The following TEX15 variants were observed in gnomAD, a reference collection of about 807,000 sequenced individuals.
TEX15 encodes testis expressed 15, meiosis and synapsis associated.
In TEX15, 171 loss-of-function variants were observed where a neutral mutation model predicts 237.3. The ratio of observed to expected loss-of-function variants is 0.72; its 90% CI spans 0.64 to 0.82. The LOEUF is 0.82. Among genes scored for constraint, TEX15 ranks in the 40% least tolerant of loss-of-function variants. The pLI, the probability that TEX15 is intolerant of heterozygous loss-of-function variation, is 0.00. For missense variants in TEX15, 3,750 were observed against 3,646.5 expected (o/e 1.03, Z -0.73); for synonymous variants, 1,338 against 1,269.8 (o/e 1.05, Z -1.14).
chr8:30,832,528 G>A lies in TEX15; in HGVS notation c.*758C>T, dbSNP rs552700727. ...TTAAAAAGAAAAGTCTATGACAAGAGCATGAAAAAACTATGTTTGTGCCAC... is the reference window on the plus strand; with the variant it reads ...TTAAAAAGAAAAGTCTATGACAAGAACATGAAAAAACTATGTTTGTGCCAC... On this transcript the variant is annotated 3_prime_UTR_variant, in exon 11 of 11. Coordinates refer to ENST00000643185, the MANE Select transcript of TEX15 (RefSeq NM_001350162.2). 6.6e-6 allele frequency: 1 copy of A among 152,280 alleles called. No homozygotes were observed. The highest frequency in any genetic ancestry group is 2.1e-4 in the South Asian group (1 of 4,824). 9.4% of individuals were successfully genotyped at this position (152,280 alleles called of 1,614,324 possible). A position where few individuals can be genotyped will look rare whatever the true frequency, so the allele number is the denominator to read the frequency against.
At chr8:30,873,680 T>C (rs905373252) in intron 4 of TEX15, among the ~76,000 whole-genome samples, 5 of 152,140 alleles carry the variant, frequency 3.3e-5, no homozygotes, top group Non-Finnish European at 5.9e-5. Flanking sequence ...AGAAACCCAT[T>C]CAAACTGGCT....
chr8:30,846,368 T>G lies in TEX15; in HGVS notation c.3799A>C (p.Asn1267His). The G allele has an allele frequency of 1.9e-6, 3 of 1,613,450 alleles. No individual in the cohort carries two copies. The highest frequency in any genetic ancestry group is 2.5e-6 in the Non-Finnish European group (3 of 1,179,710). The part of the protein sequence containing the change: ...NSESLFTEPS[N>H]VTTIDDGSRC... Reference sequence around the variant, plus strand: ...CTTCCATCATCTATTGTTGTGACATTAGAAGGTTCAGTAAACAAAGATTCA... The same window carrying G: ...CTTCCATCATCTATTGTTGTGACATGAGAAGGTTCAGTAAACAAAGATTCA... The change falls in exon 8 of 11, where the codon AAT (asparagine) becomes CAT (histidine). Residue 1267 changes from asparagine to histidine, a missense_variant. Coordinates refer to ENST00000643185, the MANE Select transcript of TEX15 (RefSeq NM_001350162.2).
At position 30,848,281 on chromosome 8, in the gene TEX15, T is replaced by C; in HGVS notation, c.1886A>G (p.Asp629Gly). Residue 629 changes from aspartate (D) to glycine (G), a missense_variant, in exon 8 of 11, where the codon GAC becomes GGC. Coordinates refer to ENST00000643185, the MANE Select transcript of TEX15 (RefSeq NM_001350162.2). ...TTGCTTTTCTTCATGTTTGGAACTG[T>C]CTTCCAGGTCAGCGAAGTTTTTCAT... is the stretch of plus-strand genomic sequence containing the variant. ...GKMKNFADLE[D>G]SSKHEEKQTS... 6 of 1,613,016 alleles carry C rather than the reference T, an allele frequency of 3.7e-6. No individual in the cohort carries two copies. Among genetic ancestry groups the C allele is most frequent in the Non-Finnish European group, 5.1e-6 (6 of 1,179,790 alleles).
chr8:30,885,110 G>T (rs1309327917), intron 3 of TEX15, among the ~76,000 whole-genome samples: 2 of 151,958 alleles, frequency 1.3e-5, no homozygotes, highest in African/African-American at 4.8e-5. Context: ...TAATCTCAAA[G>T]AATTTGGGTA....
rs147686483 is a variant in TEX15, at chr8:30,842,362, G to C, written c.7805C>G (p.Pro2602Arg). The C allele has an allele frequency of 6.2e-7, 1 of 1,613,622 alleles. No homozygotes were observed. The highest frequency in any genetic ancestry group is 8.5e-7 in the Non-Finnish European group (1 of 1,179,854). ...GGCCATTTTTCCTAAATCTTTCCTAGGGGCAGACATTACATTCTTCAGCAG... is the reference window on the plus strand; with the variant it reads ...GGCCATTTTTCCTAAATCTTTCCTACGGGCAGACATTACATTCTTCAGCAG... ...STLLKNVMSA[P>R]RKDLGKMAHI... Residue 2602 changes from proline to arginine, a missense_variant, in exon 8 of 11, where the codon CCT becomes CGT. Coordinates refer to ENST00000643185, the MANE Select transcript of TEX15 (RefSeq NM_001350162.2).
rs762481230 is a variant in TEX15 at position 30,837,571 on chromosome 8, C to T, written c.8713G>A (p.Val2905Ile). 4 of 1,613,964 alleles carry T rather than the reference C, an allele frequency of 2.5e-6. No individual in the cohort carries two copies. The highest frequency in any genetic ancestry group is 3.3e-4 in the Middle Eastern group (2 of 6,062). The change falls in exon 10 of 11, where the codon GTC (valine) becomes ATC (isoleucine). Residue 2905 changes from valine to isoleucine, a missense_variant. Transcript: ENST00000643185. ...TCATTCATTTCTAGATCAGGATGGA[C>T]ATCTTTCACAAAACAGAAAATTGGC... ...SKPIFCFVKD[V>I]HPDLEMNDTV...
chr8:30,861,054 A>T (rs1418727634), intron 5 of TEX15, among the ~76,000 whole-genome samples: 1 of 152,098 alleles, frequency 6.6e-6, no homozygotes, highest in Non-Finnish European at 1.5e-5. Context: ...ACCAAAATGA[A>T]CAAAAAAAAG....
Position 30,847,229 on chromosome 8 carries a change from C to G in TEX15, c.2938G>C (p.Ala980Pro), listed in dbSNP as rs771940315. The change falls in exon 8 of 11, where the codon GCC (alanine) becomes CCC (proline). Residue 980 changes from alanine to proline, a missense_variant. Ala to Pro is a conservative substitution (Grantham distance 27). Transcript: ENST00000643185. ...GCTATCTGTATTGCAGCATTTGAGG[C>G]TACACACACTGAAGAACTTGCAGTT... Reference protein sequence around the residue: ...PKTASSSVCVASNAAIQIASA... With the variant: ...PKTASSSVCVPSNAAIQIASA... The G allele has an allele frequency of 5.6e-6, 9 of 1,613,974 alleles. No individual in the cohort carries two copies. In the South Asian group the frequency reaches 9.9e-5, roughly 18 times the overall value.
chr8:30,832,069 G>T lies in TEX15; in HGVS notation c.*1217C>A, dbSNP rs986416820. On this transcript the variant is annotated 3_prime_UTR_variant, in exon 11 of 11. Transcript: ENST00000643185. ...TCTCTATGTTAAAGAAGCAGCTTAGGTATTCTGAATTCCATCCCAGTTGGT... is the reference window on the plus strand; with the variant it reads ...TCTCTATGTTAAAGAAGCAGCTTAGTTATTCTGAATTCCATCCCAGTTGGT... The T allele has an allele frequency of 6.6e-6, 1 of 152,108 alleles. No individual in the cohort carries two copies. The highest frequency in any genetic ancestry group is 1.5e-5 in the Non-Finnish European group (1 of 68,028). The allele number at this position is 152,108 out of a possible 1,614,324, so 9.4% of individuals were successfully genotyped here. A position where few individuals can be genotyped will look rare whatever the true frequency, so the allele number is the denominator to read the frequency against.
rs1196286207 is a variant in TEX15, at chr8:30,843,709, A to T, written c.6458T>A (p.Leu2153His). Residue 2153 changes from leucine (L) to histidine (H), a missense_variant, in exon 8 of 11, where the codon CTT becomes CAT. Leu to His is a moderately conservative substitution (Grantham distance 99). Coordinates refer to ENST00000643185, the MANE Select transcript of TEX15 (RefSeq NM_001350162.2). ...ATTCTTTTCCCTTTTTGTTTCTTCA[A>T]GCAATTCAACTAATTGATCATGGTA... ...QTYHDQLVELLEETKREKNSY... is the reference protein window; with the variant it reads ...QTYHDQLVELHEETKREKNSY... 9 of 1,612,630 alleles carry T rather than the reference A, an allele frequency of 5.6e-6. No individual in the cohort carries two copies. The highest frequency in any genetic ancestry group is 7.6e-6 in the Non-Finnish European group (9 of 1,179,428).
Position 30,848,498 on chromosome 8 carries a change from T to C in TEX15, c.1669A>G (p.Ser557Gly). Residue 557 changes from serine (S) to glycine (G), a missense_variant, in exon 8 of 11, where the codon AGT becomes GGT. Transcript: ENST00000643185. ...VVSEVENQNH[S>G]EEKAQRAQQE... ...TGGGCTCTCTGAGCCTTCTCCTCAC[T>C]GTGGTTTTGGTTCTCAACCTCTGAC... 6.2e-7 allele frequency: 1 copy of C among 1,614,162 alleles called. No individual in the cohort carries two copies.
At chr8:30,904,690 G>T (rs762165580) in intron 1 of TEX15, among the ~76,000 whole-genome samples, 1 of 152,070 alleles carries the variant, frequency 6.6e-6, no homozygotes, top group Admixed American at 6.5e-5. Flanking sequence ...AATGAGGTGT[G>T]CATGACGTCA....
intron 2 of TEX15, chr8:30,890,695 C>CT: frequency 6.6e-6 from 1 of 152,278 alleles, no homozygotes; most frequent in South Asian, 2.1e-4. Context: ...CTTAGTAACT[C>CT]ACCTGTCTGT....
intron 3 of TEX15, among the ~76,000 whole-genome samples, chr8:30,878,690 G>T (rs906270607): frequency 6.6e-6 from 1 of 151,996 alleles, no homozygotes; most frequent in East Asian, 1.9e-4. Flanking sequence ...CCTGGCCTGC[G>T]TGCTTACTTA....
intron 3 of TEX15, among the ~76,000 whole-genome samples, chr8:30,878,378 GCTTA>G (rs935611078): frequency 3.0e-4 from 45 of 151,930 alleles, no homozygotes; most frequent in African/African-American, 1.0e-3. Flanking sequence ...GCAGTTGCAT[GCTTA>G]TTTATTTATT....
At chr8:30,873,428 A>G (rs1470345634) in intron 4 of TEX15, among the ~76,000 whole-genome samples, 1 of 152,054 alleles carries the variant, frequency 6.6e-6, no homozygotes, top group Non-Finnish European at 1.5e-5. Flanking sequence ...TGGTCAAGGC[A>G]CTCTAATATG....
rs761755995 is a variant in TEX15 at position 30,844,177 on chromosome 8, A to G, written c.5990T>C (p.Ile1997Thr). The part of the protein sequence containing the change: ...KHCSANHTAL[I>T]ANLSQILQRA... The stretch of plus-strand genomic sequence containing the variant: ...CTGCAAAATTTGAGATAGATTAGCT[A>G]TAAGGGCCGTATGATTAGCTGAGCA... The change falls in exon 8 of 11, where the codon ATA becomes ACA. Residue 1997 changes from isoleucine (I) to threonine (T), a missense_variant. Ile to Thr is a moderately conservative substitution (Grantham distance 89). Coordinates refer to ENST00000643185, the MANE Select transcript of TEX15 (RefSeq NM_001350162.2). The G allele has an allele frequency of 3.7e-6, 6 of 1,612,806 alleles. No individual in the cohort carries two copies. The highest frequency in any genetic ancestry group is 4.5e-5 in the East Asian group (2 of 44,882).
intron 4 of TEX15, among the ~76,000 whole-genome samples, chr8:30,873,866 A>C (rs984055227): frequency 2.0e-5 from 3 of 152,206 alleles, no homozygotes; most frequent in African/African-American, 7.2e-5. Flanking sequence ...AGAAAACAAT[A>C]AATCCTATAC....
At chr8:30,860,273 C>G (rs1451793864) in intron 5 of TEX15, among the ~76,000 whole-genome samples, 1 of 151,972 alleles carries the variant, frequency 6.6e-6, no homozygotes, top group Non-Finnish European at 1.5e-5. Flanking sequence ...AGGTAAGCAC[C>G]ACCGTGCCCA....
Sources: allele counts gnomAD v4.1 joint callset (sites outside exome capture counted in the v4.1 genomes callset), GRCh38; gene constraint gnomAD v4.1.1; transcripts MANE v1.5; gene names NCBI Gene and HGNC (gene_info 2026-07-23, HGNC 2026-07-21).